The following TTLL8 variants were observed in gnomAD, a reference collection of about 807,000 sequenced individuals.
TTLL8 encodes protein monoglycylase TTLL8.
A neutral mutation model predicts 77.8 loss-of-function variants in TTLL8; 65 were observed. The ratio of observed to expected loss-of-function variants is 0.84; its 90% CI spans 0.68 to 1.03. The LOEUF (loss-of-function observed/expected upper bound fraction) is 1.03. Ranked by LOEUF, TTLL8 falls within the 50% of genes least tolerant of loss-of-function variation. TTLL8 has a pLI of 0.00. For missense variants in TTLL8, 910 were observed against 1,004.5 expected (o/e 0.91, Z 1.27); for synonymous variants, 402 against 422.8 (o/e 0.95, Z 0.60).
At chr22:50,050,199 C>G (rs201087187) in exon 2 of TTLL8, 2 of 1,360,542 alleles carry the variant, frequency 1.5e-6, no homozygotes, top group South Asian at 2.3e-5. Context: ...CTTCGCAGAG[C>G]GGCCCGGACC....
At chr22:50,043,871 G>A (rs2061391890) in intron 6 of TTLL8, among the ~76,000 whole-genome samples, 1 of 152,110 alleles carries the variant, frequency 6.6e-6, no homozygotes, top group Non-Finnish European at 1.5e-5. Context: ...GGGGCGGGGG[G>A]ATGAAGAGAC....
chr22:50,031,864 G>A lies in TTLL8; in HGVS notation c.1529C>T (p.Ala510Val), dbSNP rs780780102. 3 of 1,367,338 alleles carry A rather than the reference G, an allele frequency of 2.2e-6. No homozygotes were observed. The Admixed American group carries it at 5.7e-5, about 26-fold the overall frequency. 84.7% of individuals were successfully genotyped at this position (1,367,338 alleles called of 1,614,324 possible). Residue 510 changes from alanine to valine, a missense_variant, in exon 11 of 14, where the codon GCT becomes GTT. Ala to Val is a moderately conservative substitution (Grantham distance 64, BLOSUM62 0). Around this residue, in one of 2 missense-constraint regions of TTLL8, gnomAD observed 776 missense variants for 926.1 expected, o/e 0.84. Coordinates refer to ENST00000266182, the Ensembl canonical transcript of TTLL8. ...GAAGTCCCTCCCAAGGACGAAGTCA[G>A]CCCCGTAGAGCTCAAAGCTGTTCTT...
intron 12 of TTLL8, among the ~76,000 whole-genome samples, chr22:50,020,639 GTGCACTCCTCCATCTGACAACA>G (rs1333253188): frequency 1.4e-5 from 2 of 141,710 alleles, no homozygotes; most frequent in East Asian, 2.2e-4. Context: ...ATCTGACAAC[GTGCACTCCTCCATCTGACAACA>G]TGCACTCCTC....
chr22:50,045,655 C>T (rs780425527), intron 5 of TTLL8: 10 of 697,954 alleles, frequency 1.4e-5, no homozygotes, highest in Non-Finnish European at 1.8e-5. Flanking sequence ...AAGCCTAGCA[C>T]AGAACCACAC....
chr22:50,025,506 G>A (rs1312509016), intron 12 of TTLL8, among the ~76,000 whole-genome samples: 1 of 152,128 alleles, frequency 6.6e-6, no homozygotes, highest in East Asian at 1.9e-4. Context: ...GGGCATGGTG[G>A]TGCGTGCCTG....
At chr22:50,047,746 G>T (rs1351173032) in intron 3 of TTLL8, among the ~76,000 whole-genome samples, 1 of 152,202 alleles carries the variant, frequency 6.6e-6, no homozygotes, top group Non-Finnish European at 1.5e-5. Context: ...GTTGGTCGTG[G>T]AGCTGGGGGC....
At chr22:50,051,524 T>C (rs1275065844) in intron 1 of TTLL8, among the ~76,000 whole-genome samples, 1 of 152,262 alleles carries the variant, frequency 6.6e-6, no homozygotes, top group East Asian at 1.9e-4. Flanking sequence ...TTTTGTATCA[T>C]GACTTCTTAT....
In TTLL8 at chr22:50,034,275, C is replaced by A; in HGVS notation, c.1039+70G>T. The A allele has an allele frequency of 7.7e-7, 1 of 1,296,934 alleles. No homozygotes were observed. Among genetic ancestry groups the A allele is most frequent in the South Asian group, 1.3e-5 (1 of 79,500 alleles). 80.3% of individuals were successfully genotyped at this position (1,296,934 alleles called of 1,614,324 possible). On this transcript the variant is annotated intron_variant, in intron 9 of 13. Coordinates refer to ENST00000266182, the Ensembl canonical transcript of TTLL8. This position sits in a 1 kb window ranked among gnomAD's most constrained non-coding sequence, Gnocchi z 4.1. ...TGGTGCTGTGGGCCTGAAACTGTCC[C>A]TCACTCACGGCTCCTGGCATCAAGT...
At chr22:50,030,470 C>T (rs751318993) in exon 12 of TTLL8, 5 of 1,345,594 alleles carry the variant, frequency 3.7e-6, no homozygotes, top group Non-Finnish European at 3.9e-6. Flanking sequence ...CCTCTGCTGT[C>T]TTCAGGCCCC....
At chr22:50,031,882 C>A in exon 11 of TTLL8, 1 of 1,367,318 alleles carries the variant, frequency 7.3e-7, no homozygotes, top group Non-Finnish European at 9.8e-7. Context: ...GAGCTCAAAG[C>A]TGTTCTTGCG....
chr22:50,024,208 C>T (rs2061219584), intron 12 of TTLL8, among the ~76,000 whole-genome samples: 3 of 152,126 alleles, frequency 2.0e-5, no homozygotes, highest in Non-Finnish European at 4.4e-5. Flanking sequence ...GCGATCTTGG[C>T]TCACTGCAAC....
intron 12 of TTLL8, among the ~76,000 whole-genome samples, chr22:50,018,786 A>C (rs1410612298): frequency 6.6e-6 from 1 of 152,352 alleles, no homozygotes; most frequent in Non-Finnish European, 1.5e-5. Flanking sequence ...TGACGCTGTC[A>C]TGAACCTGTG....
At chr22:50,043,397 ACG>A (rs1403499277) in intron 6 of TTLL8, among the ~76,000 whole-genome samples, 5 of 66,796 alleles carry the variant, frequency 7.5e-5, no homozygotes, top group Non-Finnish European at 1.5e-4. Context: ...TGGTGCCGAG[ACG>A]TCCTTCGGTA....
chr22:50,032,110 C>CT lies in TTLL8; in HGVS notation c.1284-2dup. On this transcript the variant is annotated splice_acceptor_variant, in intron 10 of 13. Transcript: ENST00000266182. LOFTEE classifies it high-confidence loss of function. ...GGCGTTGTTGCACAGGTGGATGGCG[C>CT]TGCAGGGGGGACGAGGGGCAGGTGC... 7.4e-7 allele frequency: 1 copy of CT among 1,353,952 alleles called. No homozygotes were observed. The highest frequency in any genetic ancestry group is 1.5e-5 in the African/African-American group (1 of 67,682). 83.9% of individuals were successfully genotyped at this position (1,353,952 alleles called of 1,614,324 possible).
upstream of TTLL8, chr22:50,054,656 A>G (rs764406384): frequency 6.2e-5 from 12 of 194,962 alleles, no homozygotes; most frequent in Admixed American, 6.2e-4. Context: ...AGATAAACAG[A>G]TAAAGCCGGG....
upstream of TTLL8, among the ~76,000 whole-genome samples, chr22:50,057,499 G>A (rs2061484424): frequency 7.8e-6 from 1 of 128,858 alleles, no homozygotes; most frequent in Admixed American, 7.5e-5. Context: ...GTCTGGGTTG[G>A]GGTCAGGTCT....
In TTLL8 at chr22:50,034,278, A is replaced by G. The variant is rs1360672713; in HGVS notation, c.1039+67T>C. 5 of 1,301,544 alleles carry G rather than the reference A, an allele frequency of 3.8e-6. No homozygotes were observed. Among genetic ancestry groups the G allele is most frequent in the Non-Finnish European group, 5.1e-6 (5 of 989,882 alleles). The allele number at this position is 1,301,544 out of a possible 1,614,324, so 80.6% of individuals were successfully genotyped here. A position where few individuals can be genotyped will look rare whatever the true frequency, so the allele number is the denominator to read the frequency against. Reference sequence around the variant, plus strand: ...TGCTGTGGGCCTGAAACTGTCCCTCACTCACGGCTCCTGGCATCAAGTGTG... The same window carrying G: ...TGCTGTGGGCCTGAAACTGTCCCTCGCTCACGGCTCCTGGCATCAAGTGTG... On this transcript the variant is annotated intron_variant, in intron 9 of 13. Transcript: ENST00000266182. This position sits in a 1 kb window ranked among gnomAD's most constrained non-coding sequence, Gnocchi z 4.1.
chr22:50,049,216 C>T (rs761980396), intron 3 of TTLL8, 33 bp downstream of exon 5: 49 of 1,367,112 alleles, frequency 3.6e-5, no homozygotes, highest in Non-Finnish European at 4.5e-5. Context: ...TTGGAGAGGC[C>T]GCAGCTGACC....
chr22:50,057,313 G>T (rs2061477815), upstream of TTLL8, among the ~76,000 whole-genome samples: 1 of 134,418 alleles, frequency 7.4e-6, no homozygotes. Flanking sequence ...GTCAGGACTG[G>T]GTTTGGTGTC....
Sources: gnomAD v4.1 joint callset for allele counts (sites outside exome capture counted in the v4.1 genomes callset) on GRCh38, gnomAD v4.1.1 for gene constraint, gnomAD v4.1.1 regional missense constraint, Gnocchi (gnomAD v3.1) non-coding constraint, MANE v1.5 for transcripts, NCBI Gene and HGNC (gene_info 2026-07-23, HGNC 2026-07-21) for gene names.